The following ARHGAP15 variants were observed in gnomAD, a reference collection of about 807,000 sequenced individuals.
The protein encoded by ARHGAP15 is Rho GTPase activating protein 15, also known as rho GTPase-activating protein 15.
A neutral mutation model predicts 63.7 loss-of-function variants in ARHGAP15; 51 were observed. The ratio of observed to expected loss-of-function variants is 0.80; its 90% CI spans 0.64 to 1.01. The LOEUF (loss-of-function observed/expected upper bound fraction) is 1.01. ARHGAP15 is among the 50% of genes least tolerant of loss of function. ARHGAP15 has a pLI of 0.00. For missense variants in ARHGAP15, 560 were observed against 564.6 expected (o/e 0.99, Z 0.08); for synonymous variants, 191 against 193.8 (o/e 0.99, Z 0.12).
In ARHGAP15 at chr2:143,231,069, C is replaced by CTTTTTTTTTT. The variant is rs914904536; in HGVS notation, c.384+2411_384+2420dup. ...AGTTGGACTCTAGGGGATGTAATTCCTTTTTTTTTTTTTTTTTTTACCACT... is the reference window on the plus strand; with the variant it reads ...AGTTGGACTCTAGGGGATGTAATTCCTTTTTTTTTTTTTTTTTTTTTTTTTTTTTACCACT... On this transcript the variant is annotated intron_variant, in intron 5 of 13. Coordinates refer to ENST00000295095, the MANE Select transcript of ARHGAP15 (RefSeq NM_018460.4). Among the ~76,000 whole-genome samples the CTTTTTTTTTT allele has an allele frequency of 1.8e-3, 231 of 125,394 alleles. 5 individuals carry two copies. The highest frequency in any genetic ancestry group is 6.0e-3 in the African/African-American group (201 of 33,366). The allele number at this position is 125,394 out of a possible 152,430, so 82.3% of individuals were successfully genotyped here.
chr2:143,283,259 CA>C (rs778285934), intron 6 of ARHGAP15, among the ~76,000 whole-genome samples: 1 of 152,118 alleles, frequency 6.6e-6, no homozygotes, highest in Non-Finnish European at 1.5e-5. Flanking sequence ...CCGCTTTCCT[CA>C]ATGTACACAC....
intron 10 of ARHGAP15, among the ~76,000 whole-genome samples, chr2:143,545,067 AT>A (rs1256621167): frequency 6.6e-6 from 1 of 152,200 alleles, no homozygotes; most frequent in Non-Finnish European, 1.5e-5. Flanking sequence ...GAAAAGAACC[AT>A]TTTGTCTGTG....
At chr2:143,260,578 C>A (rs899825170) in intron 6 of ARHGAP15, among the ~76,000 whole-genome samples, 4 of 152,058 alleles carry the variant, frequency 2.6e-5, no homozygotes, top group African/African-American at 9.7e-5. Flanking sequence ...AGTCAGATAA[C>A]AAAGAACCAT....
intron 8 of ARHGAP15, among the ~76,000 whole-genome samples, chr2:143,469,040 T>A (rs930941163): frequency 6.6e-6 from 1 of 152,160 alleles, no homozygotes; most frequent in African/African-American, 2.4e-5. Context: ...AATTTATATT[T>A]TTTTACTTTG....
At chr2:143,576,119 T>C (rs1427956428) in intron 11 of ARHGAP15, among the ~76,000 whole-genome samples, 1 of 152,160 alleles carries the variant, frequency 6.6e-6, no homozygotes, top group Admixed American at 6.6e-5. Context: ...CCCAAATCTC[T>C]ATCTCTTATT....
At chr2:143,703,798 G>A in intron 13 of ARHGAP15, 1 of 265,570 alleles carries the variant, frequency 3.8e-6, no homozygotes, top group Non-Finnish European at 7.0e-6. Context: ...TGGACCCTGG[G>A]ATGGGTCATC....
intron 6 of ARHGAP15, among the ~76,000 whole-genome samples, chr2:143,276,759 A>G (rs1256060586): frequency 1.3e-5 from 2 of 152,200 alleles, no homozygotes; most frequent in Non-Finnish European, 2.9e-5. Context: ...CAGTGGCACC[A>G]CCACACTCCA....
chr2:143,517,930 A>G (rs1015609972), intron 9 of ARHGAP15, among the ~76,000 whole-genome samples: 1 of 152,212 alleles, frequency 6.6e-6, no homozygotes, highest in South Asian at 2.1e-4. Context: ...ACCCAAATGA[A>G]ATCCATTAAT....
At chr2:143,539,178 T>C (rs1221046033) in intron 10 of ARHGAP15, among the ~76,000 whole-genome samples, 2 of 152,250 alleles carry the variant, frequency 1.3e-5, no homozygotes, top group Admixed American at 6.5e-5. Context: ...GAGGTATTTA[T>C]AGCATTCTCT....
chr2:143,460,632 T>C (rs1690889295), intron 8 of ARHGAP15, among the ~76,000 whole-genome samples: 1 of 152,174 alleles, frequency 6.6e-6, no homozygotes, highest in Admixed American at 6.5e-5. Context: ...ATCATTCTTT[T>C]TAATATCATT....
intron 6 of ARHGAP15, among the ~76,000 whole-genome samples, chr2:143,308,084 T>C (rs186723324): frequency 1.3e-5 from 2 of 152,222 alleles, no homozygotes; most frequent in Admixed American, 1.3e-4. Context: ...TTTTGAAAAA[T>C]CCTTCAGATG....
At chr2:143,333,782 A>G (rs1407387791) in intron 6 of ARHGAP15, among the ~76,000 whole-genome samples, 1 of 152,132 alleles carries the variant, frequency 6.6e-6, no homozygotes, top group Admixed American at 6.5e-5. Flanking sequence ...CGGGAAATAT[A>G]GATATAGAAG....
At chr2:143,563,094 C>G (rs1696094473) in intron 11 of ARHGAP15, among the ~76,000 whole-genome samples, 1 of 152,174 alleles carries the variant, frequency 6.6e-6, no homozygotes, top group Non-Finnish European at 1.5e-5. Flanking sequence ...GGATCGACCT[C>G]TTTATCTTGA....
At chr2:143,587,727 G>C (rs546612597) in intron 11 of ARHGAP15, 5 of 470,610 alleles carry the variant, frequency 1.1e-5, no homozygotes, top group Admixed American at 7.0e-5. Flanking sequence ...ACTGGATGGA[G>C]ACCTGTGGAC....
chr2:143,717,941 G>T (rs1475442025), intron 13 of ARHGAP15, among the ~76,000 whole-genome samples: 2 of 151,558 alleles, frequency 1.3e-5, no homozygotes, highest in Non-Finnish European at 2.9e-5. Context: ...AGAACACAGA[G>T]TCCGATGGTA....
At chr2:143,155,300 G>A (rs755707300) in intron 1 of ARHGAP15, among the ~76,000 whole-genome samples, 177 bp from the exon 2 acceptor site, 4 of 151,950 alleles carry the variant, frequency 2.6e-5, no homozygotes, top group African/African-American at 9.6e-5. Context: ...CACATGTAAA[G>A]GTCCCAACTG....
chr2:143,456,827 T>C (rs923744500), intron 8 of ARHGAP15, among the ~76,000 whole-genome samples: 3 of 14,852 alleles, frequency 2.0e-4, no homozygotes, highest in African/African-American at 5.4e-4. Context: ...ATTGTGTACA[T>C]GTGTTTTGAA....
intron 12 of ARHGAP15, chr2:143,641,242 G>A (rs1449395260): frequency 6.6e-6 from 1 of 152,006 alleles, no homozygotes; most frequent in Admixed American, 6.6e-5. Context: ...CCATAAAACT[G>A]GTGCTGAGAA....
intron 6 of ARHGAP15, among the ~76,000 whole-genome samples, chr2:143,308,827 A>T (rs569050165): frequency 5.2e-4 from 79 of 151,840 alleles, no homozygotes; most frequent in Admixed American, 2.6e-4. Flanking sequence ...CCATAGCCTA[A>T]GAAAAGATAG....
Sources: gnomAD v4.1 joint callset for allele counts (sites outside exome capture counted in the v4.1 genomes callset) on GRCh38, gnomAD v4.1.1 for gene constraint, MANE v1.5 for transcripts, NCBI Gene and HGNC (gene_info 2026-07-23, HGNC 2026-07-21) for gene names.